The following KCNMB4 variants were observed in gnomAD, a reference collection of about 807,000 sequenced individuals.
KCNMB4 encodes potassium calcium-activated channel subfamily M regulatory beta subunit 4.
A neutral mutation model predicts 20.7 loss-of-function variants in KCNMB4; 3 were observed. That is an observed-to-expected ratio of 0.14 (90% CI 0.07 to 0.37). The LOEUF is 0.37. Ranked by LOEUF, KCNMB4 falls within the 10% of genes least tolerant of loss-of-function variation. The probability of loss-of-function intolerance (pLI) is 1.00; values close to 1 mark genes in which losing one functional copy is unlikely to be tolerated. For missense variants in KCNMB4, 168 were observed against 265.9 expected (o/e 0.63, Z 2.56); for synonymous variants, 110 against 113.4 (o/e 0.97, Z 0.19).
At chr12:70,389,190 T>C (rs1868280747) in intron 1 of KCNMB4, among the ~76,000 whole-genome samples, 1 of 152,194 alleles carries the variant, frequency 6.6e-6, no homozygotes, top group African/African-American at 2.4e-5. Flanking sequence ...TTTAACTATG[T>C]AAAGTACTGT....
At chr12:70,407,852 G>A (rs560427253) in intron 2 of KCNMB4, among the ~76,000 whole-genome samples, 1 of 152,158 alleles carries the variant, frequency 6.6e-6, no homozygotes, top group Non-Finnish European at 1.5e-5. Flanking sequence ...CACCTCACTA[G>A]TATAAACTTG....
intron 2 of KCNMB4, among the ~76,000 whole-genome samples, chr12:70,401,222 C>T (rs1178766482): frequency 2.6e-5 from 4 of 152,100 alleles, no homozygotes; most frequent in Non-Finnish European, 4.4e-5. Context: ...GACAGGGTTT[C>T]ACCATGTTGA....
Position 70,430,914 on chromosome 12 carries a change from A to T in KCNMB4, c.*261A>T, listed in dbSNP as rs1869347874. ...AACTATTTCAGAAAACCCTATAAGA[A>T]GTTCATTTTCTTTCAAAAGTAACAG... On this transcript the variant is annotated 3_prime_UTR_variant, in exon 3 of 3. Transcript: ENST00000258111. The T allele has an allele frequency of 2.9e-6, 1 of 342,620 alleles. No homozygotes were observed. The highest frequency in any genetic ancestry group is 6.3e-5 in the South Asian group (1 of 15,852). The allele number at this position is 342,620 out of a possible 1,614,324, so 21.2% of individuals were successfully genotyped here.
chr12:70,411,516 A>G (rs1455889541), intron 2 of KCNMB4, among the ~76,000 whole-genome samples: 3 of 152,144 alleles, frequency 2.0e-5, no homozygotes, highest in Non-Finnish European at 2.9e-5. Context: ...GTAAATGTCT[A>G]TTTCCTCTCC....
chr12:70,393,318 T>C (rs1713309439), intron 1 of KCNMB4, among the ~76,000 whole-genome samples: 1 of 152,142 alleles, frequency 6.6e-6, no homozygotes, highest in Non-Finnish European at 1.5e-5. Flanking sequence ...TTCTCCTGCC[T>C]CAGCCTCCTA....
At chr12:70,400,521 T>C (rs1868422643) in intron 2 of KCNMB4, among the ~76,000 whole-genome samples, 185 bp downstream of exon 2, 1 of 152,216 alleles carries the variant, frequency 6.6e-6, no homozygotes, top group South Asian at 2.1e-4. Flanking sequence ...TTGTACACCT[T>C]ACCCTGTGAA....
At chr12:70,367,409 TC>T (rs1342091808) in intron 1 of KCNMB4, among the ~76,000 whole-genome samples, 2 of 152,110 alleles carry the variant, frequency 1.3e-5, no homozygotes, top group Non-Finnish European at 2.9e-5. Context: ...TAACTTTTCC[TC>T]CATTTAAAGC....
At chr12:70,367,136 A>C in intron 1 of KCNMB4, 66 bp downstream of exon 1, 10 of 1,307,284 alleles carry the variant, frequency 7.6e-6, no homozygotes, top group Non-Finnish European at 1.0e-5. Flanking sequence ...TCGGTGTTAG[A>C]CTCCGCGCGG....
chr12:70,415,595 G>A (rs1868894075), intron 2 of KCNMB4, among the ~76,000 whole-genome samples: 1 of 152,200 alleles, frequency 6.6e-6, no homozygotes, highest in Non-Finnish European at 1.5e-5. Flanking sequence ...CCAGACCAAA[G>A]CATTTGTGCT....
intron 2 of KCNMB4, among the ~76,000 whole-genome samples, chr12:70,421,969 T>G (rs544465973): frequency 1.1e-3 from 165 of 152,186 alleles, no homozygotes; most frequent in Non-Finnish European, 1.5e-3. Context: ...TCTGGATTTT[T>G]TGGTAAGTGT....
intron 1 of KCNMB4, among the ~76,000 whole-genome samples, chr12:70,397,800 ATGAATTGTTCTTTCCTAACGC>A (rs1039579334): frequency 1.3e-5 from 2 of 152,208 alleles, no homozygotes; most frequent in Non-Finnish European, 2.9e-5. Context: ...ACATGTGGTT[ATGAATTGTTCTTTCCTAACGC>A]ACTTAGTATA....
chr12:70,410,294 T>C (rs1272805536), intron 2 of KCNMB4, among the ~76,000 whole-genome samples: 3 of 152,252 alleles, frequency 2.0e-5, no homozygotes, highest in African/African-American at 7.2e-5. Context: ...TTTATTACTA[T>C]TATTAAGATT....
chr12:70,432,637 CTATT>C lies in KCNMB4; in HGVS notation c.*1988_*1991del, dbSNP rs1452929993. 6 of 152,308 alleles carry C rather than the reference CTATT, an allele frequency of 3.9e-5. No homozygotes were observed. The East Asian group carries it at 7.7e-4, about 20-fold the overall frequency. The allele number at this position is 152,308 out of a possible 1,614,324, so 9.4% of individuals were successfully genotyped here. On this transcript the variant is annotated 3_prime_UTR_variant, in exon 3 of 3. Coordinates refer to ENST00000258111, the MANE Select transcript of KCNMB4 (RefSeq NM_014505.6). ...CACTGTGAAAAAGGCCTTGAACACA[CTATT>C]TATGACATCTTTTGAGGCAGCTCCA...
Position 70,433,386 on chromosome 12 carries a change from T to C in KCNMB4, c.*2733T>C, listed in dbSNP as rs1286610504. 1.3e-5 allele frequency: 2 copies of C among 152,204 alleles called. No individual in the cohort carries two copies. Among genetic ancestry groups the C allele is most frequent in the Non-Finnish European group, 2.9e-5 (2 of 68,028 alleles). The allele number at this position is 152,204 out of a possible 1,614,324, so 9.4% of individuals were successfully genotyped here. ...TCATCTACCTTGTTAGTTCTCTTAA[T>C]ACCCAAGGGTATTGTTCTTTCCATG... On this transcript the variant is annotated 3_prime_UTR_variant, in exon 3 of 3. Coordinates refer to ENST00000258111, the MANE Select transcript of KCNMB4 (RefSeq NM_014505.6).
intron 1 of KCNMB4, among the ~76,000 whole-genome samples, chr12:70,373,534 G>C (rs372425034): frequency 7.9e-5 from 12 of 152,274 alleles, no homozygotes; most frequent in African/African-American, 2.6e-4. Context: ...TGGCATCTTG[G>C]TTTTAGCCCA....
chr12:70,430,983 G>T lies in KCNMB4; in HGVS notation c.*330G>T. ...TAGTATACAAACCATTATGATTTAT[G>T]CTACTTAAAAATATTAAAATAGAGT... On this transcript the variant is annotated 3_prime_UTR_variant, in exon 3 of 3. Coordinates refer to ENST00000258111, the MANE Select transcript of KCNMB4 (RefSeq NM_014505.6). 1 of 168,210 alleles carries T rather than the reference G, an allele frequency of 5.9e-6. No individual in the cohort carries two copies. The highest frequency in any genetic ancestry group is 1.3e-5 in the Non-Finnish European group (1 of 79,072). 10.4% of individuals were successfully genotyped at this position (168,210 alleles called of 1,614,324 possible).
intron 2 of KCNMB4, chr12:70,422,937 G>A (rs562753896): frequency 2.5e-6 from 2 of 787,478 alleles, no homozygotes; most frequent in South Asian, 6.5e-5. Flanking sequence ...AGACTTGGTT[G>A]AGACAATTAC....
At chr12:70,378,133 G>C (rs1162933802) in intron 1 of KCNMB4, among the ~76,000 whole-genome samples, 2 of 151,408 alleles carry the variant, frequency 1.3e-5, no homozygotes, top group African/African-American at 4.9e-5. Flanking sequence ...TTTCTGTATT[G>C]GTAGTAGAGA....
Position 70,389,712 on chromosome 12 carries a change from A to G in KCNMB4, c.337-10497A>G, listed in dbSNP as rs114582795. 1.7e-3 allele frequency among the ~76,000 whole-genome samples: 255 copies of G among 152,154 alleles called. 2 individuals carry two copies. The highest frequency in any genetic ancestry group is 5.8e-3 in the African/African-American group (240 of 41,508). On this transcript the variant is annotated intron_variant, in intron 1 of 2. Coordinates refer to ENST00000258111, the MANE Select transcript of KCNMB4 (RefSeq NM_014505.6). The stretch of plus-strand genomic sequence containing the variant: ...CTGTGTCAAAAAAATAAGATCAAAT[A>G]AAAATTTCGTGGGACACCCTTGCTG...
Sources: gnomAD v4.1 joint callset for allele counts (sites outside exome capture counted in the v4.1 genomes callset) on GRCh38, gnomAD v4.1.1 for gene constraint, MANE v1.5 for transcripts, NCBI Gene and HGNC (gene_info 2026-07-23, HGNC 2026-07-21) for gene names.